DEPDC1B: variants seen among roughly 807,000 people sequenced by gnomAD.
DEPDC1B encodes DEP domain-containing protein 1B.
In DEPDC1B, 51 loss-of-function variants were observed where a neutral mutation model predicts 66.5. That is an observed-to-expected ratio of 0.77 (90% confidence interval 0.61 to 0.97). DEPDC1B has a LOEUF of 0.97. Among genes scored for constraint, DEPDC1B ranks in the 50% least tolerant of loss-of-function variants. The pLI is 0.00. For synonymous variants in DEPDC1B, 226 were observed against 223.6 expected (o/e 1.01, Z -0.10); for missense variants, 552 against 637.1 (o/e 0.87, Z 1.44).
chr5:60,638,214 T>C (rs1471657989), intron 7 of DEPDC1B, among the ~76,000 whole-genome samples: 1 of 152,202 alleles, frequency 6.6e-6, no homozygotes, highest in African/African-American at 2.4e-5. Flanking sequence ...TTCTACCATG[T>C]TCCTTTCAGT....
chr5:60,693,927 A>C (rs1754600312), intron 1 of DEPDC1B, among the ~76,000 whole-genome samples: 1 of 152,164 alleles, frequency 6.6e-6, no homozygotes, highest in African/African-American at 2.4e-5. Flanking sequence ...ATGAACTAAA[A>C]TTACCTAATG....
Position 60,677,326 on chromosome 5 carries a change from A to ACACACT in DEPDC1B, c.314+9635_314+9636insAGTGTG, listed in dbSNP as rs770640655. 6.4e-3 allele frequency among the ~76,000 whole-genome samples: 697 copies of ACACACT among 108,450 alleles called. 4 individuals are homozygous for ACACACT. The highest frequency in any genetic ancestry group is 0.02 in the East Asian group (76 of 3,746). 71.1% of individuals were successfully genotyped at this position (108,450 alleles called of 152,430 possible). A position where few individuals can be genotyped will look rare whatever the true frequency, so the allele number is the denominator to read the frequency against. ...CACACACACACACACACACACACAC[A>ACACACT]CTCTCTCTCTCTCTCTCTCTCTCTC... is the stretch of plus-strand genomic sequence containing the variant. On this transcript the variant is annotated intron_variant, in intron 2 of 10. Transcript: ENST00000265036.
chr5:60,598,066 C>T (rs1327538694), intron 10 of DEPDC1B, 152 bp from the exon 11 acceptor site: 1 of 665,720 alleles, frequency 1.5e-6, no homozygotes, highest in African/African-American at 1.9e-5. Context: ...TAGAGCTAAT[C>T]CATCTTTCCT....
At chr5:60,692,965 G>T (rs1469396491) in intron 1 of DEPDC1B, among the ~76,000 whole-genome samples, 1 of 152,068 alleles carries the variant, frequency 6.6e-6, no homozygotes, top group African/African-American at 2.4e-5. Context: ...TTAAAATAAT[G>T]ATAGCAGTTA....
In DEPDC1B at chr5:60,672,461, C is replaced by T. The variant is rs373069112; in HGVS notation, c.314+14501G>A. Reference sequence around the variant, plus strand: ...AAGGTGGCAGGAGAGAAAGAAAGAGCGCAAAGGGGAAAGTGCCACACTTTT... The same window carrying T: ...AAGGTGGCAGGAGAGAAAGAAAGAGTGCAAAGGGGAAAGTGCCACACTTTT... On this transcript the variant is annotated intron_variant, in intron 2 of 10. Coordinates refer to ENST00000265036, the MANE Select transcript of DEPDC1B (RefSeq NM_018369.3). 3.3e-5 allele frequency among the ~76,000 whole-genome samples: 5 copies of T among 152,218 alleles called. No individual in the cohort carries two copies. The East Asian group carries it at 7.7e-4, about 24-fold the overall frequency.
chr5:60,614,203 C>T (rs1245743824), intron 7 of DEPDC1B, among the ~76,000 whole-genome samples: 4 of 152,160 alleles, frequency 2.6e-5, no homozygotes, highest in Non-Finnish European at 4.4e-5. Context: ...CCATCTGAGC[C>T]TTGATTTTAT....
Position 60,667,927 on chromosome 5 carries a change from TTA to T in DEPDC1B, c.314+19033_314+19034del, listed in dbSNP as rs1362676570. Among the ~76,000 whole-genome samples the T allele has an allele frequency of 1.7e-4, 14 of 83,864 alleles. 1 individual carries two copies. Among genetic ancestry groups the T allele is most frequent in the African/African-American group, 4.2e-4 (11 of 26,026 alleles). The allele number at this position is 83,864 out of a possible 152,430, so 55.0% of individuals were successfully genotyped here. A position where few individuals can be genotyped will look rare whatever the true frequency, so the allele number is the denominator to read the frequency against. ...TTTATATATATAAAAAATGGATATT[TTA>T]TATATATATAAAATGGATATTTTAT... On this transcript the variant is annotated intron_variant, in intron 2 of 10. Transcript: ENST00000265036.
intron 7 of DEPDC1B, among the ~76,000 whole-genome samples, chr5:60,626,700 A>C (rs1584042234): frequency 6.6e-6 from 1 of 152,262 alleles, no homozygotes; most frequent in Non-Finnish European, 1.5e-5. Context: ...GATATTTTGC[A>C]TACTATTCTT....
In DEPDC1B at chr5:60,597,400, T is replaced by C. The variant is rs1284711644; in HGVS notation, c.*353A>G. ...TTAAAATTAAGTCTTAAGGCTATAA[T>C]AAAGATATCAGTAGCTAGGATGTAT... On this transcript the variant is annotated 3_prime_UTR_variant, in exon 11 of 11. Coordinates refer to ENST00000265036, the MANE Select transcript of DEPDC1B (RefSeq NM_018369.3). The C allele has an allele frequency of 2.2e-5, 4 of 185,824 alleles. No individual in the cohort carries two copies. The allele number at this position is 185,824 out of a possible 1,614,324, so 11.5% of individuals were successfully genotyped here.
At chr5:60,681,962 A>G (rs908157308) in intron 2 of DEPDC1B, among the ~76,000 whole-genome samples, 6 of 152,012 alleles carry the variant, frequency 3.9e-5, no homozygotes, top group African/African-American at 1.5e-4. Context: ...AACCAAACAG[A>G]AATCCTGAAA....
intron 7 of DEPDC1B, among the ~76,000 whole-genome samples, chr5:60,617,333 C>A (rs556399731): frequency 1.2e-3 from 175 of 151,824 alleles, no homozygotes; most frequent in African/African-American, 4.0e-3. Flanking sequence ...ATTAAAAGAC[C>A]CAAACTGGCA....
intron 2 of DEPDC1B, among the ~76,000 whole-genome samples, chr5:60,685,083 C>T (rs983966041): frequency 6.6e-6 from 1 of 152,168 alleles, no homozygotes; most frequent in Non-Finnish European, 1.5e-5. Context: ...CTCGCTCATA[C>T]TCTCCTCCTC....
At chr5:60,640,990 A>T (rs1479672070) in intron 6 of DEPDC1B, among the ~76,000 whole-genome samples, 2 of 152,220 alleles carry the variant, frequency 1.3e-5, no homozygotes, top group Non-Finnish European at 2.9e-5. Context: ...ATAAATAAAC[A>T]TCTTTACAGA....
At chr5:60,619,817 A>G (rs1752659293) in intron 7 of DEPDC1B, among the ~76,000 whole-genome samples, 1 of 152,218 alleles carries the variant, frequency 6.6e-6, no homozygotes, top group African/African-American at 2.4e-5. Context: ...ACCAAACAAG[A>G]GCCCGCATTA....
chr5:60,634,764 T>G (rs1257922306), intron 7 of DEPDC1B, among the ~76,000 whole-genome samples: 1 of 151,908 alleles, frequency 6.6e-6, no homozygotes, highest in Non-Finnish European at 1.5e-5. Flanking sequence ...ACCTAGGCAT[T>G]TCCCTAAATT....
At chr5:60,694,202 G>C (rs1040569286) in intron 1 of DEPDC1B, among the ~76,000 whole-genome samples, 1 of 152,074 alleles carries the variant, frequency 6.6e-6, no homozygotes, top group Non-Finnish European at 1.5e-5. Context: ...GTCATTTATT[G>C]TTGTTTGCCA....
intron 7 of DEPDC1B, among the ~76,000 whole-genome samples, chr5:60,610,954 A>T (rs1246316273): frequency 1.3e-5 from 2 of 152,212 alleles, no homozygotes; most frequent in African/African-American, 2.4e-5. Context: ...CGAAGTCTTT[A>T]TTGGAGTCAC....
At chr5:60,625,848 C>T (rs1752799183) in intron 7 of DEPDC1B, among the ~76,000 whole-genome samples, 1 of 151,990 alleles carries the variant, frequency 6.6e-6, no homozygotes. Context: ...TTTGTTTAGA[C>T]TAGCTTCTAT....
At chr5:60,696,618 T>G (rs927251380) in intron 1 of DEPDC1B, among the ~76,000 whole-genome samples, 2 of 152,320 alleles carry the variant, frequency 1.3e-5, no homozygotes, top group South Asian at 4.1e-4. Context: ...AGCTTGAGTT[T>G]TTTTTTCATG....
Sources: allele counts gnomAD v4.1 joint callset (sites outside exome capture counted in the v4.1 genomes callset), GRCh38; gene constraint gnomAD v4.1.1; transcripts MANE v1.5; gene names NCBI Gene and HGNC (gene_info 2026-07-23, HGNC 2026-07-21).